Variants in MRPL1 observed in about 807,000 individuals in gnomAD.
MRPL1 encodes large ribosomal subunit protein uL1m.
A neutral mutation model predicts 38.0 loss-of-function variants in MRPL1; 28 were observed. That is an observed-to-expected ratio of 0.74 (90% CI 0.55 to 1.01). MRPL1 has a LOEUF of 1.01. Ranked by LOEUF, MRPL1 falls within the 50% of genes least tolerant of loss-of-function variation. MRPL1 has a pLI of 0.00. For synonymous variants in MRPL1, 123 were observed against 126.7 expected (o/e 0.97, Z 0.20); for missense variants, 358 against 389.8 (o/e 0.92, Z 0.69).
intron 7 of MRPL1, among the ~76,000 whole-genome samples, chr4:77,932,759 A>G (rs1736877277): frequency 6.6e-6 from 1 of 152,078 alleles, no homozygotes; most frequent in African/African-American, 2.4e-5. Flanking sequence ...TGTAATAATA[A>G]TAGAAATAGA....
chr4:77,891,349 G>GTT (rs797018478), intron 5 of MRPL1, among the ~76,000 whole-genome samples: 15 of 125,158 alleles, frequency 1.2e-4, no homozygotes, highest in African/African-American at 1.7e-4. Context: ...AGTTTTTTTT[G>GTT]TTTTTTTTTT....
Position 77,885,282 on chromosome 4 carries a change from T to G in MRPL1, c.429T>G (p.Val143=), listed in dbSNP as rs972850462. Residue 143 remains valine (V), a synonymous_variant, in exon 4 of 9, where the codon GTT becomes GTG. Coordinates refer to ENST00000315567, the MANE Select transcript of MRPL1 (RefSeq NM_020236.4). ...KKKNVEPFTS[V]LSLPYPFASE... Reference sequence around the variant, plus strand: ...AAAACGTGGAGCCATTTACCAGTGTTCTTAGTTTGCCATACCCATTTGCTT... The same window carrying G: ...AAAACGTGGAGCCATTTACCAGTGTGCTTAGTTTGCCATACCCATTTGCTT... 1.2e-6 allele frequency: 2 copies of G among 1,613,958 alleles called. No individual in the cohort carries two copies. The highest frequency in any genetic ancestry group is 2.7e-5 in the African/African-American group (2 of 75,044).
chr4:77,935,958 T>C (rs1306050736), intron 7 of MRPL1, among the ~76,000 whole-genome samples: 1 of 151,334 alleles, frequency 6.6e-6, no homozygotes, highest in Non-Finnish European at 1.5e-5. Context: ...GTAAACTCTG[T>C]CTTGCATTTT....
chr4:77,890,290 G>C (rs540017542), intron 5 of MRPL1, among the ~76,000 whole-genome samples: 1 of 152,148 alleles, frequency 6.6e-6, no homozygotes, highest in South Asian at 2.1e-4. Context: ...TATCCACCAC[G>C]ATCAAGTGGG....
At chr4:77,889,330 C>A (rs1311186906) in intron 5 of MRPL1, among the ~76,000 whole-genome samples, 1 of 152,206 alleles carries the variant, frequency 6.6e-6, no homozygotes, top group Non-Finnish European at 1.5e-5. Context: ...AAGACACTCA[C>A]TCAAAACCGC....
At chr4:77,882,030 C>T (rs900650546) in intron 2 of MRPL1, among the ~76,000 whole-genome samples, 2 of 152,160 alleles carry the variant, frequency 1.3e-5, no homozygotes, top group African/African-American at 4.8e-5. Flanking sequence ...TTCTCTTTTA[C>T]CGTTTTAGTT....
At chr4:77,917,884 C>T (rs1433720807) in intron 7 of MRPL1, among the ~76,000 whole-genome samples, 1 of 151,876 alleles carries the variant, frequency 6.6e-6, no homozygotes, top group African/African-American at 2.4e-5. Context: ...GGTGAAATCC[C>T]TTCTCTACTA....
In MRPL1 at chr4:77,888,032, A is replaced by G. The variant is rs573117521; in HGVS notation, c.558+741A>G. ...CCTCTATTCATGTTTTGAAGATCAA[A>G]TATTTGTTTTTTTTCTTGGAGTGAA... On this transcript the variant is annotated intron_variant, in intron 5 of 8. Coordinates refer to ENST00000315567, the MANE Select transcript of MRPL1 (RefSeq NM_020236.4). Among the ~76,000 whole-genome samples, 4 of 152,264 alleles carry G rather than the reference A, an allele frequency of 2.6e-5. No individual in the cohort carries two copies. The East Asian group carries it at 7.7e-4, about 29-fold the overall frequency.
intron 1 of MRPL1, among the ~76,000 whole-genome samples, chr4:77,868,580 G>A (rs1735208231): frequency 6.6e-6 from 1 of 152,166 alleles, no homozygotes; most frequent in Non-Finnish European, 1.5e-5. Context: ...CCTAAGTGCT[G>A]TGAAGGAAAA....
chr4:77,950,894 G>T (rs902083350), intron 8 of MRPL1, among the ~76,000 whole-genome samples: 3 of 152,052 alleles, frequency 2.0e-5, no homozygotes, highest in African/African-American at 7.2e-5. Flanking sequence ...TTTTTGAGAC[G>T]GAGTCTCACT....
At chr4:77,931,963 A>C (rs1736854959) in intron 7 of MRPL1, among the ~76,000 whole-genome samples, 1 of 152,206 alleles carries the variant, frequency 6.6e-6, no homozygotes, top group African/African-American at 2.4e-5. Context: ...TTATACACAG[A>C]AGTGAGATGA....
At chr4:77,910,923 T>C (rs552683616) in intron 7 of MRPL1, among the ~76,000 whole-genome samples, 1 of 152,296 alleles carries the variant, frequency 6.6e-6, no homozygotes, top group African/African-American at 2.4e-5. Flanking sequence ...ACAGTACTTC[T>C]TGTTTCTTAG....
At chr4:77,933,614 G>A (rs1736896749) in intron 7 of MRPL1, among the ~76,000 whole-genome samples, 1 of 152,172 alleles carries the variant, frequency 6.6e-6, no homozygotes, top group Non-Finnish European at 1.5e-5. Context: ...GGAAAAAAAT[G>A]AAGAGAGCCT....
intron 6 of MRPL1, among the ~76,000 whole-genome samples, chr4:77,897,643 A>G (rs141278287): frequency 1.3e-5 from 2 of 152,342 alleles, no homozygotes; most frequent in Admixed American, 6.5e-5. Context: ...TATGAGCAGG[A>G]CACTGCTTTC....
chr4:77,933,677 C>G (rs536221250), intron 7 of MRPL1, among the ~76,000 whole-genome samples: 1 of 152,208 alleles, frequency 6.6e-6, no homozygotes, highest in South Asian at 2.1e-4. Flanking sequence ...CAGTGGAATT[C>G]CAGAAGGAAA....
intron 6 of MRPL1, among the ~76,000 whole-genome samples, chr4:77,901,578 C>A (rs1412730968): frequency 3.3e-5 from 5 of 151,544 alleles, no homozygotes; most frequent in Non-Finnish European, 5.9e-5. Context: ...AAACTATAAG[C>A]ATTAGAGAGT....
chr4:77,929,326 C>T (rs1431604634), intron 7 of MRPL1, among the ~76,000 whole-genome samples: 1 of 152,156 alleles, frequency 6.6e-6, no homozygotes. Context: ...ATAGCATTTA[C>T]TGAATTCTGT....
At chr4:77,949,749 T>A in intron 7 of MRPL1, 48 bp from the exon 8 acceptor site, 2 of 1,250,440 alleles carry the variant, frequency 1.6e-6, no homozygotes, top group African/African-American at 3.0e-5. Context: ...TAATTTATTA[T>A]CTTCTTGCTT....
intron 7 of MRPL1, among the ~76,000 whole-genome samples, chr4:77,937,145 T>C (rs1370239188): frequency 2.7e-5 from 4 of 150,558 alleles, no homozygotes; most frequent in Non-Finnish European, 5.9e-5. Flanking sequence ...AGAAGAAAGG[T>C]GAATTTAGTG....
Sources: gnomAD v4.1 joint callset for allele counts (sites outside exome capture counted in the v4.1 genomes callset) on GRCh38, gnomAD v4.1.1 for gene constraint, MANE v1.5 for transcripts, NCBI Gene and HGNC (gene_info 2026-07-23, HGNC 2026-07-21) for gene names.